SLC17A8: variants seen among roughly 807,000 people sequenced by gnomAD.
SLC17A8 encodes the protein solute carrier family 17 member 8.
Under a neutral mutation model 58.0 loss-of-function variants are expected in SLC17A8, and 31 were observed. That is an observed-to-expected ratio of 0.53 (90% CI 0.40 to 0.72). The LOEUF is 0.72. Among genes scored for constraint, SLC17A8 ranks in the 30% least tolerant of loss-of-function variants. The pLI, the probability that SLC17A8 is intolerant of heterozygous loss-of-function variation, is 0.00. For missense variants in SLC17A8, 655 were observed against 727.8 expected (o/e 0.90, Z 1.15); for synonymous variants, 228 against 249.0 (o/e 0.92, Z 0.79).
At position 100,416,385 on chromosome 12, in the gene SLC17A8, T is replaced by C. The variant is rs377761921; in HGVS notation, c.1298-1644T>C. On this transcript the variant is annotated intron_variant, in intron 10 of 11. Coordinates refer to ENST00000323346, the MANE Select transcript of SLC17A8 (RefSeq NM_139319.3). The stretch of plus-strand genomic sequence containing the variant: ...GATTAATGAACTTGCAGCTGTTTTA[T>C]ATTCTGATCATTTGGCACATTGACC... Among the ~76,000 whole-genome samples, 9 of 152,360 alleles carry C rather than the reference T, an allele frequency of 5.9e-5. No individual in the cohort carries two copies. In the South Asian group the frequency reaches 6.2e-4, roughly 11 times the overall value.
At position 100,380,916 on chromosome 12, in the gene SLC17A8, A is replaced by G. The variant is rs1952631840; in HGVS notation, c.317A>G (p.Asn106Ser). 1.2e-6 allele frequency: 2 copies of G among 1,614,064 alleles called. No homozygotes were observed. Among genetic ancestry groups the G allele is most frequent in the South Asian group, 1.1e-5 (1 of 91,082 alleles). ...LGVAIVEMVN[N>S]STVYVDGKPE... The stretch of plus-strand genomic sequence containing the variant: ...GTTGCCATTGTGGAAATGGTCAACA[A>G]TAGCACCGTATATGTTGATGGAAAA... The change falls in exon 2 of 12, where the codon AAT becomes AGT. Residue 106 changes from asparagine (N) to serine (S), a missense_variant. Coordinates refer to ENST00000323346, the MANE Select transcript of SLC17A8 (RefSeq NM_139319.3).
At chr12:100,395,257 T>C (rs1952744809) in intron 4 of SLC17A8, among the ~76,000 whole-genome samples, 1 of 152,226 alleles carries the variant, frequency 6.6e-6, no homozygotes, top group Non-Finnish European at 1.5e-5. Context: ...ATCATGCTGT[T>C]TAGTGTCTGT....
rs138999496 is a variant in SLC17A8, at chr12:100,367,951, G to T, written c.101+10459G>T. Reference sequence around the variant, plus strand: ...ATTAGTACAGAATTATATTTTAAAAGTCACCAGGCTACTCTGGACATATCT... The same window carrying T: ...ATTAGTACAGAATTATATTTTAAAATTCACCAGGCTACTCTGGACATATCT... On this transcript the variant is annotated intron_variant, in intron 1 of 11. Coordinates refer to ENST00000323346, the MANE Select transcript of SLC17A8 (RefSeq NM_139319.3). Among the ~76,000 whole-genome samples, 425 of 152,282 alleles carry T rather than the reference G, an allele frequency of 2.8e-3. 2 individuals carry two copies. Among genetic ancestry groups the T allele is most frequent in the Non-Finnish European group, 3.4e-3 (232 of 68,028 alleles).
intron 1 of SLC17A8, among the ~76,000 whole-genome samples, chr12:100,362,992 G>T (rs963858436): frequency 2.0e-5 from 3 of 152,076 alleles, no homozygotes; most frequent in African/African-American, 7.2e-5. Flanking sequence ...AGATCATCTG[G>T]GTGCCAAACA....
At chr12:100,397,697 C>A (rs1414220416) in intron 5 of SLC17A8, among the ~76,000 whole-genome samples, 1 of 152,126 alleles carries the variant, frequency 6.6e-6, no homozygotes, top group African/African-American at 2.4e-5. Flanking sequence ...AATCCCAGCA[C>A]TTTGGGAGGC....
intron 1 of SLC17A8, among the ~76,000 whole-genome samples, chr12:100,362,547 G>T (rs981899616): frequency 2.6e-5 from 4 of 152,044 alleles, no homozygotes; most frequent in African/African-American, 9.7e-5. Flanking sequence ...AACTGCAAAT[G>T]GGAAAATACA....
At chr12:100,377,568 G>GATATATATATATATAT (rs1203225174) in intron 1 of SLC17A8, among the ~76,000 whole-genome samples, 4 of 121,298 alleles carry the variant, frequency 3.3e-5, no homozygotes, top group African/African-American at 1.5e-4. Flanking sequence ...ATGGCTTCAA[G>GATATATATATATATAT]ATATATATAT....
chr12:100,369,426 C>A (rs1952544308), intron 1 of SLC17A8, among the ~76,000 whole-genome samples: 1 of 152,214 alleles, frequency 6.6e-6, no homozygotes, highest in South Asian at 2.1e-4. Flanking sequence ...GCCACCACTG[C>A]CTGCTTCTAA....
intron 6 of SLC17A8, among the ~76,000 whole-genome samples, chr12:100,402,103 T>C (rs1267085739): frequency 6.6e-6 from 1 of 152,226 alleles, no homozygotes; most frequent in Non-Finnish European, 1.5e-5. Flanking sequence ...ACAAAATACT[T>C]ACCCCTAGCT....
chr12:100,370,587 G>A (rs1222925954), intron 1 of SLC17A8, among the ~76,000 whole-genome samples: 4 of 145,490 alleles, frequency 2.7e-5, no homozygotes, highest in East Asian at 2.0e-4. Context: ...ATGAGCCACC[G>A]TGCCCAGCCA....
At chr12:100,390,971 A>T in intron 2 of SLC17A8, 30 bp from the exon 3 acceptor site, 1 of 1,483,156 alleles carries the variant, frequency 6.7e-7, no homozygotes, top group Non-Finnish European at 9.4e-7. Context: ...TTTCTAACAA[A>T]CACAACTATA....
intron 10 of SLC17A8, among the ~76,000 whole-genome samples, chr12:100,415,595 G>GAT (rs1179778307): frequency 2.0e-5 from 3 of 151,842 alleles, no homozygotes; most frequent in African/African-American, 4.8e-5. Flanking sequence ...ACCACTTCCA[G>GAT]ATATATATAT....
intron 2 of SLC17A8, among the ~76,000 whole-genome samples, chr12:100,390,029 T>C (rs142104379): frequency 0.015 from 2,262 of 151,898 alleles, 58 homozygotes; most frequent in African/African-American, 0.052. Flanking sequence ...CCATGTTGGC[T>C]AGGCTGGTCT....
chr12:100,364,297 A>G (rs1010704766), intron 1 of SLC17A8, among the ~76,000 whole-genome samples: 8 of 152,196 alleles, frequency 5.3e-5, no homozygotes, highest in African/African-American at 1.9e-4. Context: ...CATACATGGA[A>G]TATTTCAACC....
intron 2 of SLC17A8, among the ~76,000 whole-genome samples, chr12:100,387,410 G>A (rs933052093): frequency 6.6e-6 from 1 of 152,158 alleles, no homozygotes; most frequent in Non-Finnish European, 1.5e-5. Flanking sequence ...TTGGAGAAAT[G>A]TCTATTCAAG....
At chr12:100,367,424 G>T (rs1246620368) in intron 1 of SLC17A8, among the ~76,000 whole-genome samples, 4 of 152,150 alleles carry the variant, frequency 2.6e-5, no homozygotes, top group Admixed American at 6.5e-5. Flanking sequence ...AATGAAATAG[G>T]CTTGTAAATT....
chr12:100,413,476 A>G (rs1030851881), intron 10 of SLC17A8, among the ~76,000 whole-genome samples: 1 of 152,154 alleles, frequency 6.6e-6, no homozygotes, highest in African/African-American at 2.4e-5. Flanking sequence ...ATATTCCATG[A>G]GATCTGCATA....
At chr12:100,367,450 T>G (rs926884009) in intron 1 of SLC17A8, among the ~76,000 whole-genome samples, 2 of 152,196 alleles carry the variant, frequency 1.3e-5, no homozygotes, top group Non-Finnish European at 2.9e-5. Flanking sequence ...TATATAACAA[T>G]GAAGGAAAAG....
At chr12:100,382,155 G>A (rs1362441908) in intron 2 of SLC17A8, among the ~76,000 whole-genome samples, 8 of 152,214 alleles carry the variant, frequency 5.3e-5, no homozygotes, top group African/African-American at 1.9e-4. Flanking sequence ...AGGCAGCGAA[G>A]TAAATAGGGG....
Sources: gnomAD v4.1 joint callset for allele counts (sites outside exome capture counted in the v4.1 genomes callset) on GRCh38, gnomAD v4.1.1 for gene constraint, MANE v1.5 for transcripts, NCBI Gene and HGNC (gene_info 2026-07-23, HGNC 2026-07-21) for gene names.